Variants in FGF12 observed in about 807,000 individuals in gnomAD.
FGF12 encodes the protein fibroblast growth factor 12, also known as fibroblast growth factor 12B.
Under a neutral mutation model 23.6 loss-of-function variants are expected in FGF12, and 14 were observed. That is an observed-to-expected ratio of 0.59 (90% CI 0.39 to 0.93). The LOEUF is 0.93. Ranked by LOEUF, FGF12 falls within the 40% of genes least tolerant of loss-of-function variation. The pLI is 0.00. For missense variants in FGF12, 175 were observed against 217.8 expected (o/e 0.80, Z 1.24); for synonymous variants, 62 against 77.3 (o/e 0.80, Z 1.04).
At chr3:192,624,606 T>C (rs952851221) in intron 2 of FGF12, among the ~76,000 whole-genome samples, 1 of 152,162 alleles carries the variant, frequency 6.6e-6, no homozygotes, top group Admixed American at 6.5e-5. Flanking sequence ...TAAAAAATCA[T>C]TTTTCATCAG....
chr3:192,197,934 G>A (rs75213585), intron 4 of FGF12, among the ~76,000 whole-genome samples: 12,763 of 72,492 alleles, frequency 0.18, 665 homozygotes, highest in East Asian at 0.25. Flanking sequence ...GAACAAAAGC[G>A]AAATTCCTCC....
At chr3:192,664,870 G>A (rs76852773) in intron 2 of FGF12, among the ~76,000 whole-genome samples, 13,038 of 152,194 alleles carry the variant, frequency 0.086, 755 homozygotes, top group African/African-American at 0.16. Context: ...ACAAATTGAC[G>A]TAATGTCTAC....
chr3:192,486,423 G>A (rs527325254), intron 2 of FGF12, among the ~76,000 whole-genome samples: 2 of 152,152 alleles, frequency 1.3e-5, no homozygotes, highest in East Asian at 1.9e-4. Flanking sequence ...AGAGCATATT[G>A]CTTCAGATGA....
At chr3:192,198,744 G>C (rs1043085305) in intron 4 of FGF12, among the ~76,000 whole-genome samples, 6 of 152,136 alleles carry the variant, frequency 3.9e-5, no homozygotes, top group Non-Finnish European at 5.9e-5. Flanking sequence ...AATAACTAAG[G>C]AATGTTTTGA....
At chr3:192,618,882 G>A (rs1236544520) in intron 2 of FGF12, among the ~76,000 whole-genome samples, 1 of 151,966 alleles carries the variant, frequency 6.6e-6, no homozygotes, top group Admixed American at 6.6e-5. Flanking sequence ...ACTTGCTAGG[G>A]ACTGGGAATG....
intron 4 of FGF12, among the ~76,000 whole-genome samples, chr3:192,245,991 A>G (rs1424171918): frequency 6.6e-6 from 1 of 152,210 alleles, no homozygotes; most frequent in Non-Finnish European, 1.5e-5. Context: ...AAACTTAAAA[A>G]ACATTAAAAT....
At chr3:192,469,923 A>G (rs1723122544) in intron 2 of FGF12, among the ~76,000 whole-genome samples, 1 of 152,232 alleles carries the variant, frequency 6.6e-6, no homozygotes, top group South Asian at 2.1e-4. Flanking sequence ...TGTTTTACAA[A>G]GCTATGTGTG....
chr3:192,637,781 A>G (rs1715639590), intron 2 of FGF12, among the ~76,000 whole-genome samples: 3 of 152,234 alleles, frequency 2.0e-5, no homozygotes, highest in Admixed American at 2.0e-4. Context: ...TCTTGGGCAT[A>G]TAAGTCTTTA....
intron 2 of FGF12, among the ~76,000 whole-genome samples, chr3:192,361,857 C>T (rs1167953865): frequency 2.0e-5 from 3 of 152,122 alleles, no homozygotes; most frequent in African/African-American, 7.2e-5. Flanking sequence ...TTTTTCAAAG[C>T]AGTCCTACAA....
chr3:192,602,409 A>G (rs1486229293), intron 2 of FGF12, among the ~76,000 whole-genome samples: 3 of 152,088 alleles, frequency 2.0e-5, no homozygotes, highest in African/African-American at 7.2e-5. Context: ...AGGAGGTGGT[A>G]TTTGTGCAAA....
chr3:192,254,762 C>T (rs2108610848), intron 4 of FGF12, among the ~76,000 whole-genome samples: 1 of 152,126 alleles, frequency 6.6e-6, no homozygotes, highest in Non-Finnish European at 1.5e-5. Flanking sequence ...TTCTCTGTCA[C>T]TTTGCACTAT....
At chr3:192,604,409 A>G (rs1577075240) in intron 2 of FGF12, among the ~76,000 whole-genome samples, 2 of 152,184 alleles carry the variant, frequency 1.3e-5, no homozygotes, top group Admixed American at 6.5e-5. Context: ...TGTCCATGAA[A>G]TCTTCATAAT....
chr3:192,171,246 T>G (rs1715543816), intron 4 of FGF12, among the ~76,000 whole-genome samples: 1 of 152,152 alleles, frequency 6.6e-6, no homozygotes, highest in Non-Finnish European at 1.5e-5. Context: ...AAAAAATTAC[T>G]ATTATATTGA....
At chr3:192,705,276 T>C (rs2108733458) in intron 2 of FGF12, among the ~76,000 whole-genome samples, 1 of 152,350 alleles carries the variant, frequency 6.6e-6, no homozygotes, top group South Asian at 2.1e-4. Flanking sequence ...CATGTGACTC[T>C]TCCTTTCACT....
intron 4 of FGF12, among the ~76,000 whole-genome samples, chr3:192,204,728 A>G (rs1003421719): frequency 6.6e-6 from 1 of 152,090 alleles, no homozygotes; most frequent in African/African-American, 2.4e-5. Flanking sequence ...TCTACCAAAA[A>G]TACAAAAATG....
At chr3:192,579,457 G>A (rs970723414) in intron 2 of FGF12, among the ~76,000 whole-genome samples, 1 of 152,206 alleles carries the variant, frequency 6.6e-6, no homozygotes, top group Non-Finnish European at 1.5e-5. Context: ...ATTTGTTGGG[G>A]TAGGCACTTC....
chr3:192,366,426 T>C (rs973832127), intron 2 of FGF12, among the ~76,000 whole-genome samples: 11 of 152,162 alleles, frequency 7.2e-5, no homozygotes, highest in African/African-American at 2.4e-4. Context: ...GGGGGCCATA[T>C]CTAGAGAATT....
chr3:192,526,807 T>C (rs1724956795), intron 2 of FGF12, among the ~76,000 whole-genome samples: 1 of 152,216 alleles, frequency 6.6e-6, no homozygotes, highest in Admixed American at 6.5e-5. Flanking sequence ...GATAAAGCCT[T>C]AATCAAATTT....
intron 2 of FGF12, among the ~76,000 whole-genome samples, chr3:192,655,196 C>G (rs942656260): frequency 1.3e-5 from 2 of 152,164 alleles, no homozygotes; most frequent in African/African-American, 4.8e-5. Flanking sequence ...AATATCTATT[C>G]TCACTTCCTC....
Sources: allele counts gnomAD v4.1 joint callset (sites outside exome capture counted in the v4.1 genomes callset), GRCh38; gene constraint gnomAD v4.1.1; transcripts MANE v1.5; gene names NCBI Gene and HGNC (gene_info 2026-07-23, HGNC 2026-07-21).